The following OXR1 variants were observed in gnomAD, a reference collection of about 807,000 sequenced individuals.
OXR1 encodes the protein oxidation resistance protein 1.
Under a neutral mutation model 104.6 loss-of-function variants are expected in OXR1, and 41 were observed. The ratio of observed to expected loss-of-function variants is 0.39; its 90% CI spans 0.31 to 0.51. OXR1 has a LOEUF of 0.51. OXR1 is among the 20% of genes least tolerant of loss of function. The pLI is 0.77. For synonymous variants in OXR1, 348 were observed against 348.4 expected (o/e 1.00, Z 0.01); for missense variants, 955 against 1,031.9 (o/e 0.93, Z 1.02).
At chr8:106,680,066 CTTATT>C (rs2131216551) in intron 4 of OXR1, among the ~76,000 whole-genome samples, 1 of 152,096 alleles carries the variant, frequency 6.6e-6, no homozygotes, top group South Asian at 2.1e-4. Context: ...TGGTTTGACT[CTTATT>C]TTCCATGCAT....
At chr8:106,378,375 T>C (rs1816992917) in intron 2 of OXR1, among the ~76,000 whole-genome samples, 1 of 152,168 alleles carries the variant, frequency 6.6e-6, no homozygotes, top group Non-Finnish European at 1.5e-5. Flanking sequence ...TGGAAACCCA[T>C]TAAGATGCAG....
At chr8:106,325,715 A>T (rs1305599995) in intron 1 of OXR1, among the ~76,000 whole-genome samples, 1 of 152,208 alleles carries the variant, frequency 6.6e-6, no homozygotes, top group Non-Finnish European at 1.5e-5. Flanking sequence ...TTTCACTCAG[A>T]TCTGAATGCT....
intron 2 of OXR1, among the ~76,000 whole-genome samples, chr8:106,477,728 C>T (rs1821884209): frequency 6.6e-6 from 1 of 151,786 alleles, no homozygotes; most frequent in Non-Finnish European, 1.5e-5. Context: ...TTAAAATTCA[C>T]ATGTACCTGG....
intron 2 of OXR1, among the ~76,000 whole-genome samples, chr8:106,507,417 G>T (rs1812242463): frequency 6.6e-6 from 1 of 152,228 alleles, no homozygotes; most frequent in Non-Finnish European, 1.5e-5. Flanking sequence ...AGAGTCCATA[G>T]TCTTAACCCT....
chr8:106,479,621 A>G (rs969632615), intron 2 of OXR1, among the ~76,000 whole-genome samples: 2 of 152,032 alleles, frequency 1.3e-5, no homozygotes, highest in African/African-American at 4.8e-5. Context: ...GCACAAGCAC[A>G]GAGGAATACA....
intron 1 of OXR1, among the ~76,000 whole-genome samples, chr8:106,273,094 A>G (rs1410040902): frequency 2.0e-5 from 3 of 152,192 alleles, no homozygotes; most frequent in Non-Finnish European, 4.4e-5. Flanking sequence ...CATTTGAAAT[A>G]CAAAGGATTG....
chr8:106,540,639 GAC>G (rs1814881900), intron 3 of OXR1, among the ~76,000 whole-genome samples: 1 of 152,138 alleles, frequency 6.6e-6, no homozygotes, highest in Non-Finnish European at 1.5e-5. Context: ...TGCTAATAAA[GAC>G]ATACTGGAGA....
At chr8:106,458,972 G>T (rs556630025) in intron 2 of OXR1, among the ~76,000 whole-genome samples, 1 of 152,268 alleles carries the variant, frequency 6.6e-6, no homozygotes, top group South Asian at 2.1e-4. Flanking sequence ...TTGAGTCTCA[G>T]CCATATCTGA....
At chr8:106,495,705 G>A (rs1375292971) in intron 2 of OXR1, among the ~76,000 whole-genome samples, 1 of 152,132 alleles carries the variant, frequency 6.6e-6, no homozygotes, top group African/African-American at 2.4e-5. Context: ...GTGAGAGGAT[G>A]ATAACTTCAA....
intron 3 of OXR1, among the ~76,000 whole-genome samples, chr8:106,592,067 C>T (rs1819139121): frequency 6.6e-6 from 1 of 152,140 alleles, no homozygotes; most frequent in Admixed American, 6.5e-5. Context: ...AACTGAGGCC[C>T]TGAAAGTGAT....
At chr8:106,694,722 TTTTATATA>T (rs1387881672) in intron 7 of OXR1, among the ~76,000 whole-genome samples, 1 of 100,516 alleles carries the variant, frequency 9.9e-6, no homozygotes, top group African/African-American at 3.7e-5. Context: ...ATAAATATAT[TTTTATATA>T]TTTATATATA....
chr8:106,471,891 C>T (rs1010985829), intron 2 of OXR1, among the ~76,000 whole-genome samples: 1 of 151,696 alleles, frequency 6.6e-6, no homozygotes, highest in Admixed American at 6.6e-5. Flanking sequence ...TGTCCTTTAC[C>T]CTGCTTCACC....
intron 3 of OXR1, among the ~76,000 whole-genome samples, chr8:106,561,452 C>A (rs1376852512): frequency 6.6e-6 from 1 of 152,156 alleles, no homozygotes; most frequent in African/African-American, 2.4e-5. Context: ...CAGGTCATCT[C>A]TGAAAGAAAG....
At chr8:106,281,923 C>T (rs2345579) in intron 1 of OXR1, among the ~76,000 whole-genome samples, 93,149 of 151,480 alleles carry the variant, frequency 0.61, 30,880 homozygotes, top group African/African-American at 0.89. Flanking sequence ...GAGAAAAATA[C>T]CCTATATACA....
At chr8:106,678,178 T>C (rs1179058319) in intron 3 of OXR1, among the ~76,000 whole-genome samples, 1 of 152,016 alleles carries the variant, frequency 6.6e-6, no homozygotes, top group African/African-American at 2.4e-5. Flanking sequence ...TTTGGGGATT[T>C]TGATATTATT....
intron 8 of OXR1, among the ~76,000 whole-genome samples, chr8:106,706,142 A>C (rs1247895513): frequency 6.6e-6 from 1 of 152,168 alleles, no homozygotes; most frequent in Non-Finnish European, 1.5e-5. Flanking sequence ...ATATTTCCTA[A>C]ATATTAAGCA....
intron 1 of OXR1, among the ~76,000 whole-genome samples, chr8:106,288,272 A>G (rs1405477579): frequency 6.6e-6 from 1 of 152,188 alleles, no homozygotes; most frequent in Non-Finnish European, 1.5e-5. Context: ...CTCTGAATTC[A>G]TGAACACTGC....
chr8:106,675,993 C>A (rs1356148068), intron 3 of OXR1, among the ~76,000 whole-genome samples: 1 of 152,048 alleles, frequency 6.6e-6, no homozygotes, highest in Non-Finnish European at 1.5e-5. Flanking sequence ...ATATATATAT[C>A]TAGGATAGTT....
Position 106,706,633 on chromosome 8 carries a change from A to T in OXR1, c.1112A>T (p.Gln371Leu). 1 of 1,613,674 alleles carries T rather than the reference A, an allele frequency of 6.2e-7. No individual in the cohort carries two copies. The highest frequency in any genetic ancestry group is 2.2e-5 in the East Asian group (1 of 44,864). The part of the protein sequence containing the change: ...KSSGASSESV[Q>L]TVNQAEVESL... ...TCTGGTGCGTCATCAGAATCTGTGC[A>T]AACTGTCAATCAGGCTGAAGTAGAA... The change falls in exon 9 of 17, where the codon CAA (glutamine) becomes CTA (leucine). Residue 371 changes from glutamine to leucine, a missense_variant. By Grantham distance (113) the Gln-to-Leu change is moderately radical. Coordinates refer to ENST00000517566, the MANE Select transcript of OXR1 (RefSeq NM_001198533.2).
Sources: gnomAD v4.1 joint callset for allele counts (sites outside exome capture counted in the v4.1 genomes callset) on GRCh38, gnomAD v4.1.1 for gene constraint, MANE v1.5 for transcripts, NCBI Gene and HGNC (gene_info 2026-07-23, HGNC 2026-07-21) for gene names.